Variants in KIAA1958 observed in about 807,000 individuals in gnomAD.
KIAA1958 encodes the protein KIAA1958, also known as uncharacterized protein KIAA1958.
KIAA1958 carries 14 observed loss-of-function variants against 47.2 expected under a neutral mutation model. The ratio of observed to expected loss-of-function variants is 0.30; its 90% CI spans 0.20 to 0.46. KIAA1958 has a LOEUF of 0.46. Ranked by LOEUF, KIAA1958 falls within the 20% of genes least tolerant of loss-of-function variation. KIAA1958 has a pLI of 1.00. For synonymous variants in KIAA1958, 354 were observed against 353.3 expected (o/e 1.00, Z -0.02); for missense variants, 803 against 909.2 (o/e 0.88, Z 1.50).
intron 3 of KIAA1958, among the ~76,000 whole-genome samples, chr9:112,648,608 C>T (rs1837013691): frequency 6.6e-6 from 1 of 152,164 alleles, no homozygotes; most frequent in South Asian, 2.1e-4. Context: ...TCAGAAAGGA[C>T]TTGCATCAGG....
intron 2 of KIAA1958, among the ~76,000 whole-genome samples, chr9:112,587,376 C>A (rs576308254): frequency 6.6e-6 from 1 of 152,270 alleles, no homozygotes; most frequent in Non-Finnish European, 1.5e-5. Context: ...TCTCAAACAC[C>A]TGACCTCAAG....
intron 1 of KIAA1958, among the ~76,000 whole-genome samples, chr9:112,512,742 A>G (rs1285396192): frequency 2.6e-5 from 4 of 151,698 alleles, no homozygotes; most frequent in Middle Eastern, 3.2e-3. Context: ...GTTACTGGCA[A>G]ATTCTACCAG....
chr9:112,641,622 G>A (rs764584259), intron 2 of KIAA1958, among the ~76,000 whole-genome samples: 17 of 151,484 alleles, frequency 1.1e-4, no homozygotes, highest in Non-Finnish European at 1.9e-4. Context: ...ATCCTTACAC[G>A]TTTTTCCTTT....
intron 1 of KIAA1958, among the ~76,000 whole-genome samples, chr9:112,509,668 T>A (rs1223234444): frequency 1.3e-5 from 2 of 152,130 alleles, no homozygotes; most frequent in African/African-American, 4.8e-5. Flanking sequence ...CCAGGAATAG[T>A]GATACAGTAG....
intron 1 of KIAA1958, among the ~76,000 whole-genome samples, chr9:112,540,958 G>A (rs548619502): frequency 2.0e-5 from 3 of 152,022 alleles, no homozygotes; most frequent in South Asian, 2.1e-4. Flanking sequence ...TGGCTCAAGC[G>A]GTTGGCCCAC....
At chr9:112,553,128 T>G in intron 1 of KIAA1958, among the ~76,000 whole-genome samples, 2 of 127,050 alleles carry the variant, frequency 1.6e-5, no homozygotes, top group African/African-American at 6.0e-5. Flanking sequence ...TCTCCTCTCC[T>G]CCCCTCCCCT....
At chr9:112,619,003 C>T (rs1836453826) in intron 2 of KIAA1958, 2 of 1,389,876 alleles carry the variant, frequency 1.4e-6, no homozygotes, top group African/African-American at 2.9e-5. Flanking sequence ...CTTCCTGTGC[C>T]CTCAGTGTTA....
chr9:112,588,631 G>T (rs528883000), intron 2 of KIAA1958, among the ~76,000 whole-genome samples: 7 of 152,266 alleles, frequency 4.6e-5, no homozygotes, highest in African/African-American at 1.7e-4. Context: ...TACTTTGTGT[G>T]TGTGTGTTTT....
intron 1 of KIAA1958, among the ~76,000 whole-genome samples, chr9:112,517,613 A>G (rs1189837073): frequency 6.6e-6 from 1 of 152,234 alleles, no homozygotes; most frequent in Non-Finnish European, 1.5e-5. Flanking sequence ...AAATTTAAGA[A>G]TTTCTGCTCT....
intron 1 of KIAA1958, among the ~76,000 whole-genome samples, chr9:112,551,404 T>C: frequency 6.6e-6 from 1 of 152,244 alleles, no homozygotes; most frequent in East Asian, 1.9e-4. Context: ...GCACTTAGTA[T>C]AATGTCTTTT....
At chr9:112,491,557 T>G (rs1833970020) in intron 1 of KIAA1958, among the ~76,000 whole-genome samples, 1 of 151,578 alleles carries the variant, frequency 6.6e-6, no homozygotes, top group Non-Finnish European at 1.5e-5. Context: ...TTTTTTTTTT[T>G]GTTTTTTTTG....
chr9:112,612,669 T>C (rs1380315090), intron 2 of KIAA1958, among the ~76,000 whole-genome samples: 3 of 152,288 alleles, frequency 2.0e-5, no homozygotes, highest in African/African-American at 7.2e-5. Flanking sequence ...GAAGGTGTGA[T>C]TGAAGCAGCA....
intron 2 of KIAA1958, among the ~76,000 whole-genome samples, chr9:112,581,349 T>C (rs1286831404): frequency 6.6e-6 from 1 of 152,214 alleles, no homozygotes; most frequent in African/African-American, 2.4e-5. Flanking sequence ...ATCATCATCA[T>C]TAGATTGTGC....
chr9:112,517,308 CAA>C (rs1181467840), intron 1 of KIAA1958, among the ~76,000 whole-genome samples: 1 of 152,166 alleles, frequency 6.6e-6, no homozygotes, highest in African/African-American at 2.4e-5. Context: ...ATCTTTTCAA[CAA>C]ATGGTGCTTG....
At chr9:112,651,383 C>CTA (rs71491054) in intron 3 of KIAA1958, among the ~76,000 whole-genome samples, 21 of 143,268 alleles carry the variant, frequency 1.5e-4, no homozygotes, top group African/African-American at 5.0e-4. Flanking sequence ...TTATATTTCT[C>CTA]TATATATATA....
chr9:112,658,057 A>G lies in KIAA1958; in HGVS notation c.1345-1206A>G, dbSNP rs1459416932. On this transcript the variant is annotated intron_variant, in intron 3 of 3. Transcript: ENST00000337530. ...TTTTAGTAGAGATGGGGGTTTCACC[A>G]TGTTGGCCAGGCTGGTCTTGAACTC... 2.0e-5 allele frequency among the ~76,000 whole-genome samples: 3 copies of G among 152,026 alleles called. No homozygotes were observed. In the East Asian group the frequency reaches 5.8e-4, roughly 29 times the overall value.
intron 1 of KIAA1958, among the ~76,000 whole-genome samples, chr9:112,518,711 G>A (rs2132792113): frequency 6.6e-6 from 1 of 152,146 alleles, no homozygotes; most frequent in Admixed American, 6.5e-5. Flanking sequence ...TTTAAAATAT[G>A]TGCAATTCAT....
intron 1 of KIAA1958, among the ~76,000 whole-genome samples, chr9:112,553,568 T>C (rs112514673): frequency 2.0e-5 from 3 of 152,200 alleles, no homozygotes; most frequent in African/African-American, 7.2e-5. Flanking sequence ...TAGTACTGCC[T>C]TATAAAGGTC....
chr9:112,564,041 G>A (rs913920564), intron 1 of KIAA1958, among the ~76,000 whole-genome samples: 1 of 152,072 alleles, frequency 6.6e-6, no homozygotes, highest in African/African-American at 2.4e-5. Flanking sequence ...CTCACGTTTT[G>A]TAAAGGATTT....
Sources: gnomAD v4.1 joint callset for allele counts (sites outside exome capture counted in the v4.1 genomes callset) on GRCh38, gnomAD v4.1.1 for gene constraint, MANE v1.5 for transcripts, NCBI Gene and HGNC (gene_info 2026-07-23, HGNC 2026-07-21) for gene names.